The following KDM4C variants were observed in gnomAD, a reference collection of about 807,000 sequenced individuals.
The protein encoded by KDM4C is lysine-specific demethylase 4C.
A neutral mutation model predicts 129.3 loss-of-function variants in KDM4C; 81 were observed. That is an observed-to-expected ratio of 0.63 (90% confidence interval 0.52 to 0.75). KDM4C has a LOEUF of 0.75. KDM4C is among the 30% of genes least tolerant of loss of function. The probability of loss-of-function intolerance (pLI) is 0.00; values close to 1 mark genes in which losing one functional copy is unlikely to be tolerated. For missense variants in KDM4C, 1,457 were observed against 1,304.0 expected (o/e 1.12, Z -1.81); for synonymous variants, 573 against 456.1 (o/e 1.26, Z -3.26).
At chr9:6,727,120 A>G (rs1817156800) in intron 1 of KDM4C, 1 of 152,212 alleles carries the variant, frequency 6.6e-6, no homozygotes, top group South Asian at 2.1e-4. Flanking sequence ...ATTTGCAGCC[A>G]GGGCAGTGGC....
At chr9:7,155,177 A>G (rs1434470684) in intron 19 of KDM4C, among the ~76,000 whole-genome samples, 3 of 152,154 alleles carry the variant, frequency 2.0e-5, no homozygotes, top group African/African-American at 7.2e-5. Flanking sequence ...AGGGTTGGGA[A>G]CACGCTTTGA....
At chr9:7,100,151 C>T (rs1836905294) in intron 17 of KDM4C, among the ~76,000 whole-genome samples, 2 of 152,134 alleles carry the variant, frequency 1.3e-5, no homozygotes, top group South Asian at 4.1e-4. Flanking sequence ...AATCCCAACA[C>T]TTTGGAAGGC....
chr9:6,852,848 G>A (rs1176684777), intron 5 of KDM4C, among the ~76,000 whole-genome samples: 1 of 152,048 alleles, frequency 6.6e-6, no homozygotes, highest in Non-Finnish European at 1.5e-5. Context: ...GTTTCACTTA[G>A]GGTTTGCTTA....
intron 5 of KDM4C, among the ~76,000 whole-genome samples, chr9:6,860,343 C>T (rs549226098): frequency 6.6e-6 from 1 of 152,098 alleles, no homozygotes; most frequent in Non-Finnish European, 1.5e-5. Flanking sequence ...TGAGTTATGT[C>T]TTGACGGAGG....
At chr9:6,904,731 G>A (rs565161808) in intron 8 of KDM4C, among the ~76,000 whole-genome samples, 2 of 152,326 alleles carry the variant, frequency 1.3e-5, no homozygotes, top group South Asian at 4.1e-4. Flanking sequence ...TTGAAGGAAT[G>A]TATTTTTAAG....
At chr9:7,131,755 C>T (rs1253577829) in intron 19 of KDM4C, among the ~76,000 whole-genome samples, 8 of 151,386 alleles carry the variant, frequency 5.3e-5, no homozygotes, top group African/African-American at 9.7e-5. Flanking sequence ...TTCATCAGGA[C>T]GTAAAAAAAA....
chr9:7,143,218 G>A (rs545452892), intron 19 of KDM4C, among the ~76,000 whole-genome samples: 1 of 152,334 alleles, frequency 6.6e-6, no homozygotes, highest in South Asian at 2.1e-4. Flanking sequence ...TCTATACGCA[G>A]ATCTATATCA....
chr9:7,021,156 A>T (rs1018270360), intron 15 of KDM4C, among the ~76,000 whole-genome samples: 38 of 131,186 alleles, frequency 2.9e-4, no homozygotes, highest in African/African-American at 9.2e-4. Flanking sequence ...ATATATATGT[A>T]TTTTTTTTTT....
chr9:6,841,919 C>G (rs763876252), intron 4 of KDM4C, among the ~76,000 whole-genome samples: 33 of 152,328 alleles, frequency 2.2e-4, no homozygotes, highest in Admixed American at 1.7e-3. Flanking sequence ...CCTACTTATC[C>G]TGGAGCTGGT....
At chr9:6,823,138 A>G (rs766940479) in intron 4 of KDM4C, among the ~76,000 whole-genome samples, 6 of 152,170 alleles carry the variant, frequency 3.9e-5, no homozygotes, top group Non-Finnish European at 5.9e-5. Flanking sequence ...CTTCCAGTGT[A>G]TTGTGTGTAT....
chr9:6,752,757 C>T (rs1818113862), upstream of KDM4C, among the ~76,000 whole-genome samples: 1 of 152,078 alleles, frequency 6.6e-6, no homozygotes, highest in Non-Finnish European at 1.5e-5. Context: ...GGTCTCTTTC[C>T]AACTAATATA....
intron 8 of KDM4C, among the ~76,000 whole-genome samples, chr9:6,949,710 C>A (rs968681391): frequency 1.3e-5 from 2 of 152,106 alleles, no homozygotes; most frequent in South Asian, 2.1e-4. Flanking sequence ...GGCGTGGCGG[C>A]GCGCGCCTGC....
At chr9:6,928,389 C>T (rs1464962880) in intron 8 of KDM4C, among the ~76,000 whole-genome samples, 1 of 152,150 alleles carries the variant, frequency 6.6e-6, no homozygotes. Context: ...GGCTTTAAGT[C>T]TGTCTTGTTT....
chr9:7,051,779 G>A (rs1447373224), intron 17 of KDM4C, among the ~76,000 whole-genome samples: 1 of 152,108 alleles, frequency 6.6e-6, no homozygotes, highest in Non-Finnish European at 1.5e-5. Context: ...TTATTTAGAT[G>A]TCATAATCAA....
intron 1 of KDM4C, among the ~76,000 whole-genome samples, chr9:6,729,544 A>G (rs1053663710): frequency 7.5e-6 from 1 of 133,814 alleles, no homozygotes; most frequent in Admixed American, 8.0e-5. Context: ...CCCTGTCTCA[A>G]AAACAAAAAA....
intron 18 of KDM4C, among the ~76,000 whole-genome samples, chr9:7,106,943 GA>G (rs1837760388): frequency 1.3e-5 from 2 of 152,008 alleles, no homozygotes; most frequent in Non-Finnish European, 2.9e-5. Flanking sequence ...GGCAGTGCTT[GA>G]AAAAAATAGG....
In KDM4C at chr9:7,072,245, A is replaced by G. The variant is rs561208560; in HGVS notation, c.2424+23045A>G. On this transcript the variant is annotated intron_variant, in intron 17 of 21. Coordinates refer to ENST00000381309, the MANE Select transcript of KDM4C (RefSeq NM_015061.6). ...TAGCCATCTTGGAAAACAGCCTGGC[A>G]GTTTCTTATAAAATTAAACTTACAA... 1.6e-3 allele frequency among the ~76,000 whole-genome samples: 241 copies of G among 152,318 alleles called. 1 individual carries two copies. Among genetic ancestry groups the G allele is most frequent in the Non-Finnish European group, 2.3e-3 (155 of 68,008 alleles).
chr9:6,834,986 C>G lies in KDM4C; in HGVS notation c.436-14521C>G, dbSNP rs900213761. ...TGCCCTCCCCCACACCATCCTGCAT[C>G]TGGACCTGGCTGGCCGGGACCTGAC... On this transcript the variant is annotated intron_variant, in intron 4 of 21. Transcript: ENST00000381309. 1.2e-5 allele frequency: 12 copies of G among 972,090 alleles called. No homozygotes were observed. The African/African-American group carries it at 1.9e-4, about 16-fold the overall frequency. 60.2% of individuals were successfully genotyped at this position (972,090 alleles called of 1,614,324 possible).
At chr9:7,107,268 A>T (rs1404303457) in intron 18 of KDM4C, among the ~76,000 whole-genome samples, 1 of 152,260 alleles carries the variant, frequency 6.6e-6, no homozygotes, top group African/African-American at 2.4e-5. Context: ...TGTTGCACAG[A>T]TGTTTGTAAG....
Sources: allele counts gnomAD v4.1 joint callset (sites outside exome capture counted in the v4.1 genomes callset), GRCh38; gene constraint gnomAD v4.1.1; transcripts MANE v1.5; gene names NCBI Gene and HGNC (gene_info 2026-07-23, HGNC 2026-07-21).